Variants in MIB1 observed in about 807,000 individuals in gnomAD.
MIB1 encodes MIB E3 ubiquitin protein ligase 1, also known as E3 ubiquitin-protein ligase MIB1.
A neutral mutation model predicts 124.5 loss-of-function variants in MIB1; 278 were observed. The observed-to-expected ratio is 2.23, with a 90% CI of 2.02 to 2.47. MIB1 has a LOEUF of 2.47. Ranked by LOEUF, MIB1 falls within the 30% of genes most tolerant of loss-of-function variation. The probability of loss-of-function intolerance (pLI) is 0.00; values close to 1 mark genes in which losing one functional copy is unlikely to be tolerated. For missense variants in MIB1, 957 were observed against 1,254.4 expected (o/e 0.76, Z 3.58); for synonymous variants, 446 against 429.4 (o/e 1.04, Z -0.48).
Position 21,773,630 on chromosome 18 carries a change from GA to G in MIB1, c.541del (p.Ile181SerfsTer35). 2 of 1,604,356 alleles carry G rather than the reference GA, an allele frequency of 1.2e-6. No homozygotes were observed. The highest frequency in any genetic ancestry group is 1.1e-5 in the South Asian group (1 of 88,504). The stretch of plus-strand genomic sequence containing the variant: ...TCAAAAACTATTCTGTTAGGTAACA[GA>G]AATCCAGGACTGGAGTGCATCAAGC... ...GGNGRRGKVT[E>X]IQDWSASSPH... is the part of the protein sequence containing the mutation. On this transcript the variant is annotated frameshift_variant, in exon 4 of 21. Transcript: ENST00000261537. LOFTEE classifies it high-confidence loss of function.
chr18:21,778,986 A>T (rs3931634), intron 5 of MIB1, among the ~76,000 whole-genome samples: 1 of 152,112 alleles, frequency 6.6e-6, no homozygotes, highest in African/African-American at 2.4e-5. Context: ...AGCTTTTGAA[A>T]ATAATCTAGG....
At chr18:21,748,899 A>AT (rs1227654550) in intron 1 of MIB1, among the ~76,000 whole-genome samples, 14 of 150,626 alleles carry the variant, frequency 9.3e-5, no homozygotes, top group Non-Finnish European at 1.8e-4. Context: ...AGCCTGGCTA[A>AT]TTTTTTTTTA....
At chr18:21,755,050 G>A (rs1209032624) in intron 1 of MIB1, among the ~76,000 whole-genome samples, 3 of 151,722 alleles carry the variant, frequency 2.0e-5, no homozygotes, top group Non-Finnish European at 4.4e-5. Context: ...AGTTCCTTGG[G>A]ACCCCTTCTT....
chr18:21,791,376 G>A lies in MIB1; in HGVS notation c.911G>A (p.Trp304Ter). ...GAGGTTTAGCTTTGCTCTTGTAGGT[G>A]GACCTTCAATCCTGCTGTTCTCACT... is the stretch of plus-strand genomic sequence containing the variant. ...IVVQYPSGNR[W>*]TFNPAVLTKA... The change falls in exon 7 of 21, where the codon TGG (tryptophan) becomes TAG (stop). Residue 304 changes from tryptophan (W) to a stop codon, truncating the protein, a stop_gained and splice_region_variant. Coordinates refer to ENST00000261537, the MANE Select transcript of MIB1 (RefSeq NM_020774.4). LOFTEE classifies it high-confidence loss of function. 1.2e-6 allele frequency: 2 copies of A among 1,604,404 alleles called. No homozygotes were observed. Among genetic ancestry groups the A allele is most frequent in the South Asian group, 1.1e-5 (1 of 88,934 alleles).
intron 1 of MIB1, among the ~76,000 whole-genome samples, chr18:21,742,644 A>G: frequency 6.6e-6 from 1 of 152,178 alleles, no homozygotes; most frequent in East Asian, 1.9e-4. Flanking sequence ...ATTAAACCAA[A>G]GGCTTGCTTT....
chr18:21,758,824 C>T (rs781091485), intron 1 of MIB1, among the ~76,000 whole-genome samples: 8 of 152,194 alleles, frequency 5.3e-5, no homozygotes, highest in South Asian at 4.2e-4. Flanking sequence ...TGAGCCACCG[C>T]GCCCAGCTGA....
At chr18:21,839,394 G>T (rs899003281) in intron 13 of MIB1, among the ~76,000 whole-genome samples, 1 of 152,072 alleles carries the variant, frequency 6.6e-6, no homozygotes, top group African/African-American at 2.4e-5. Context: ...CTATCATGTT[G>T]CCTTGGTTAT....
At chr18:21,825,527 A>G in intron 12 of MIB1, 1 of 329,956 alleles carries the variant, frequency 3.0e-6, no homozygotes, top group South Asian at 2.3e-5. Flanking sequence ...TCATCCATAC[A>G]TTTTTCATAA....
chr18:21,712,331 G>A (rs1436158199), intron 1 of MIB1, among the ~76,000 whole-genome samples: 1 of 152,116 alleles, frequency 6.6e-6, no homozygotes, highest in Non-Finnish European at 1.5e-5. Flanking sequence ...CTGCCTCCTG[G>A]TGCCCTTCTC....
chr18:21,830,514 A>G (rs1433865072), intron 12 of MIB1: 2 of 152,184 alleles, frequency 1.3e-5, no homozygotes, highest in Non-Finnish European at 2.9e-5. Flanking sequence ...CTATGGTTAG[A>G]TAGAATTTAA....
At chr18:21,717,116 A>G (rs2040693069) in intron 1 of MIB1, among the ~76,000 whole-genome samples, 1 of 152,188 alleles carries the variant, frequency 6.6e-6, no homozygotes, top group Non-Finnish European at 1.5e-5. Context: ...CTTACAGCCA[A>G]CTGATCTTTG....
chr18:21,796,798 G>A (rs1413077361), intron 7 of MIB1, among the ~76,000 whole-genome samples: 1 of 152,140 alleles, frequency 6.6e-6, no homozygotes, highest in Non-Finnish European at 1.5e-5. Flanking sequence ...AGCTGTCACT[G>A]GTTTCTAGGA....
chr18:21,714,933 T>TG (rs1250467757), intron 1 of MIB1, among the ~76,000 whole-genome samples: 2 of 152,080 alleles, frequency 1.3e-5, no homozygotes, highest in East Asian at 1.9e-4. Flanking sequence ...GGCAGTAAAT[T>TG]GGGGGGGATC....
At chr18:21,753,259 G>T (rs965018830) in intron 1 of MIB1, among the ~76,000 whole-genome samples, 1 of 152,002 alleles carries the variant, frequency 6.6e-6, no homozygotes, top group African/African-American at 2.4e-5. Flanking sequence ...CATGATCTCG[G>T]CTCACTGCAA....
intron 1 of MIB1, among the ~76,000 whole-genome samples, chr18:21,733,768 C>T (rs2040782894): frequency 6.6e-6 from 1 of 151,800 alleles, no homozygotes; most frequent in Non-Finnish European, 1.5e-5. Flanking sequence ...TGCAATGGTG[C>T]AATCTCGGCT....
At chr18:21,819,810 GGTT>G (rs1251742954) in intron 12 of MIB1, among the ~76,000 whole-genome samples, 164 bp downstream of exon 12, 9 of 151,986 alleles carry the variant, frequency 5.9e-5, no homozygotes, top group South Asian at 4.2e-4. Context: ...ATGATTATTT[GGTT>G]GTTAATCTAA....
intron 18 of MIB1, chr18:21,854,544 A>C (rs1350711431): frequency 6.3e-6 from 1 of 158,742 alleles, no homozygotes; most frequent in Non-Finnish European, 1.4e-5. Context: ...TAGAGCCTTA[A>C]TATAATATTT....
intron 1 of MIB1, among the ~76,000 whole-genome samples, chr18:21,711,636 C>T (rs1360790210): frequency 6.6e-6 from 1 of 151,922 alleles, no homozygotes; most frequent in African/African-American, 2.4e-5. Context: ...AGGATAAAGC[C>T]GATGACTTTC....
At chr18:21,735,719 C>T (rs3017033) in intron 1 of MIB1, among the ~76,000 whole-genome samples, 2 of 152,194 alleles carry the variant, frequency 1.3e-5, no homozygotes, top group Middle Eastern at 3.4e-3. Context: ...CTGAGGCTTG[C>T]GTAGGCAGTT....
Sources: gnomAD v4.1 joint callset for allele counts (sites outside exome capture counted in the v4.1 genomes callset) on GRCh38, gnomAD v4.1.1 for gene constraint, MANE v1.5 for transcripts, NCBI Gene and HGNC (gene_info 2026-07-23, HGNC 2026-07-21) for gene names.